Variants in HS3ST4 observed in about 807,000 individuals in gnomAD.
HS3ST4 encodes heparan sulfate glucosamine 3-O-sulfotransferase 4.
In HS3ST4, 17 loss-of-function variants were observed where a neutral mutation model predicts 29.2. The observed-to-expected ratio is 0.58, with a 90% CI of 0.40 to 0.87. The LOEUF (loss-of-function observed/expected upper bound fraction) is 0.87. Ranked by LOEUF, HS3ST4 falls within the 40% of genes least tolerant of loss-of-function variation. The probability of loss-of-function intolerance (pLI) is 0.00; values close to 1 mark genes in which losing one functional copy is unlikely to be tolerated. For missense variants in HS3ST4, 627 were observed against 634.5 expected (o/e 0.99, Z 0.13); for synonymous variants, 314 against 285.7 (o/e 1.10, Z -1.00).
At chr16:26,133,061 A>G (rs1899440508) in intron 1 of HS3ST4, among the ~76,000 whole-genome samples, 1 of 152,174 alleles carries the variant, frequency 6.6e-6, no homozygotes, top group Admixed American at 6.5e-5. Context: ...CATGAATTAG[A>G]GTATACTTTT....
At chr16:25,817,738 T>C (rs1310158378) in intron 1 of HS3ST4, among the ~76,000 whole-genome samples, 1 of 152,214 alleles carries the variant, frequency 6.6e-6, no homozygotes, top group Non-Finnish European at 1.5e-5. Flanking sequence ...AGAGGACATA[T>C]TTTAGGTAAA....
chr16:25,982,186 T>C (rs1354919587), intron 1 of HS3ST4, among the ~76,000 whole-genome samples: 1 of 152,232 alleles, frequency 6.6e-6, no homozygotes, highest in East Asian at 1.9e-4. Context: ...CCCCGGCTGC[T>C]GAAGGACGGC....
At chr16:25,880,482 G>A (rs1043919836) in intron 1 of HS3ST4, among the ~76,000 whole-genome samples, 1 of 152,128 alleles carries the variant, frequency 6.6e-6, no homozygotes, top group Non-Finnish European at 1.5e-5. Context: ...AGTAGTTCTT[G>A]GAGTCCCAAA....
At chr16:25,901,134 C>T (rs1360635095) in intron 1 of HS3ST4, among the ~76,000 whole-genome samples, 1 of 152,196 alleles carries the variant, frequency 6.6e-6, no homozygotes, top group Non-Finnish European at 1.5e-5. Flanking sequence ...ACTCTCTCAT[C>T]TCCTCTGCAG....
intron 1 of HS3ST4, among the ~76,000 whole-genome samples, chr16:26,003,288 C>A (rs569215184): frequency 6.6e-6 from 1 of 152,230 alleles, no homozygotes; most frequent in South Asian, 2.1e-4. Context: ...AATTATAATA[C>A]CTACATCATA....
chr16:25,855,500 A>C (rs1018743321), intron 1 of HS3ST4, among the ~76,000 whole-genome samples: 1 of 152,172 alleles, frequency 6.6e-6, no homozygotes, highest in Non-Finnish European at 1.5e-5. Context: ...TTTCCTTCAG[A>C]GTTTGCTATC....
chr16:26,088,595 A>G (rs1489500914), intron 1 of HS3ST4, among the ~76,000 whole-genome samples: 3 of 152,216 alleles, frequency 2.0e-5, no homozygotes, highest in African/African-American at 7.2e-5. Context: ...TTCAGTCACA[A>G]ATCCCCCAAA....
chr16:25,870,534 A>C (rs1967739976), intron 1 of HS3ST4, among the ~76,000 whole-genome samples: 1 of 152,174 alleles, frequency 6.6e-6, no homozygotes, highest in South Asian at 2.1e-4. Context: ...CTGAGATGGA[A>C]GCTTCAGAAG....
chr16:25,934,532 G>A (rs1222834931), intron 1 of HS3ST4, among the ~76,000 whole-genome samples: 1 of 152,182 alleles, frequency 6.6e-6, no homozygotes, highest in Non-Finnish European at 1.5e-5. Flanking sequence ...ACTGGGGATG[G>A]ACAGGCCGAG....
Position 25,818,898 on chromosome 16 carries a change from CAG to C in HS3ST4, c.734+125752_734+125753del, listed in dbSNP as rs750415726. On this transcript the variant is annotated intron_variant, in intron 1 of 1. Transcript: ENST00000331351. ...CAGAGGATGGATTCAGAGATAGAGA[CAG>C]AGAGGCTAGAGCTCAAACTGTGAAA... Among the ~76,000 whole-genome samples, 11 of 151,932 alleles carry C rather than the reference CAG, an allele frequency of 7.2e-5. 1 individual carries two copies. The highest frequency in any genetic ancestry group is 1.6e-4 in the Non-Finnish European group (11 of 68,018).
chr16:25,726,695 C>G (rs544337050), intron 1 of HS3ST4, among the ~76,000 whole-genome samples: 1 of 152,164 alleles, frequency 6.6e-6, no homozygotes, highest in African/African-American at 2.4e-5. Flanking sequence ...GAATCTCAGT[C>G]ACAGATGAAA....
Position 25,816,118 on chromosome 16 carries a change from A to G in HS3ST4, c.734+122967A>G, listed in dbSNP as rs186786235. Among the ~76,000 whole-genome samples the G allele has an allele frequency of 2.2e-3, 333 of 152,344 alleles. 1 individual carries two copies. The highest frequency in any genetic ancestry group is 7.8e-3 in the African/African-American group (324 of 41,584). On this transcript the variant is annotated intron_variant, in intron 1 of 1. Transcript: ENST00000331351. ...TATATTCTATGTGAAGTACTTGGTC[A>G]TGATTTATACCAAAATCCCAATCAT... is the stretch of plus-strand genomic sequence containing the variant.
intron 1 of HS3ST4, among the ~76,000 whole-genome samples, chr16:25,710,633 G>T (rs942315460): frequency 2.6e-5 from 4 of 151,800 alleles, no homozygotes. Context: ...TACTAGAATG[G>T]TTCTTTTTAT....
At chr16:26,118,040 G>A (rs1899222076) in intron 1 of HS3ST4, among the ~76,000 whole-genome samples, 1 of 152,116 alleles carries the variant, frequency 6.6e-6, no homozygotes, top group Admixed American at 6.5e-5. Context: ...GCTATTTTTG[G>A]TAGAATGGTC....
intron 1 of HS3ST4, among the ~76,000 whole-genome samples, chr16:25,774,230 C>T (rs1966845476): frequency 6.6e-6 from 1 of 152,170 alleles, no homozygotes; most frequent in Admixed American, 6.5e-5. Context: ...GGGTAAACAG[C>T]CACAGTGAGA....
intron 1 of HS3ST4, among the ~76,000 whole-genome samples, chr16:25,836,077 A>T (rs1366441209): frequency 6.6e-6 from 1 of 152,124 alleles, no homozygotes; most frequent in Non-Finnish European, 1.5e-5. Flanking sequence ...GATCATCCTG[A>T]ATTATTTTCC....
At chr16:25,848,942 C>G (rs1399366871) in intron 1 of HS3ST4, among the ~76,000 whole-genome samples, 3 of 152,042 alleles carry the variant, frequency 2.0e-5, no homozygotes, top group African/African-American at 7.2e-5. Context: ...CTGCTACATT[C>G]CATAATTTAG....
chr16:26,049,163 A>C lies in HS3ST4; in HGVS notation c.735-86449A>C, dbSNP rs146133591. Among the ~76,000 whole-genome samples the C allele has an allele frequency of 2.7e-3, 417 of 152,126 alleles. 2 individuals are homozygous for C. The highest frequency in any genetic ancestry group is 9.8e-3 in the African/African-American group (406 of 41,508). On this transcript the variant is annotated intron_variant, in intron 1 of 1. Coordinates refer to ENST00000331351, the MANE Select transcript of HS3ST4 (RefSeq NM_006040.3). ...ATTTCCTTATTTTCTAAAGGTAGTC[A>C]TGTGTTTAAAAAGTGAGTTAAAGAA...
intron 1 of HS3ST4, among the ~76,000 whole-genome samples, chr16:26,007,786 G>T (rs1969271431): frequency 6.6e-6 from 1 of 152,012 alleles, no homozygotes; most frequent in Admixed American, 6.6e-5. Context: ...CTACTAAATG[G>T]GGGGTTATGA....
Sources: allele counts gnomAD v4.1 joint callset (sites outside exome capture counted in the v4.1 genomes callset), GRCh38; gene constraint gnomAD v4.1.1; transcripts MANE v1.5; gene names NCBI Gene and HGNC (gene_info 2026-07-23, HGNC 2026-07-21).